Variants in FMN1 observed in about 807,000 individuals in gnomAD.
FMN1 encodes formin 1.
Under a neutral mutation model 132.4 loss-of-function variants are expected in FMN1, and 110 were observed. That is an observed-to-expected ratio of 0.83 (90% CI 0.71 to 0.97). FMN1 has a LOEUF of 0.97. FMN1 is among the 50% of genes least tolerant of loss of function. The pLI, the probability that FMN1 is intolerant of heterozygous loss-of-function variation, is 0.00. For synonymous variants in FMN1, 722 were observed against 651.7 expected (o/e 1.11, Z -1.64); for missense variants, 1,792 against 1,705.3 (o/e 1.05, Z -0.90).
intron 9 of FMN1, among the ~76,000 whole-genome samples, chr15:32,940,090 A>G (rs2061367036): frequency 6.6e-6 from 1 of 152,162 alleles, no homozygotes; most frequent in African/African-American, 2.4e-5. Flanking sequence ...ACAATATCAC[A>G]ATCTAAGTAG....
intron 6 of FMN1, among the ~76,000 whole-genome samples, chr15:33,059,329 T>C (rs1239203933): frequency 6.6e-6 from 1 of 152,256 alleles, no homozygotes; most frequent in Non-Finnish European, 1.5e-5. Flanking sequence ...ATGTCTTGGC[T>C]ATTGTGAATA....
At chr15:33,002,967 A>T (rs1054212134) in intron 7 of FMN1, among the ~76,000 whole-genome samples, 12 of 152,338 alleles carry the variant, frequency 7.9e-5, no homozygotes, top group African/African-American at 2.9e-4. Context: ...CAAAAACCAC[A>T]TGATTATCTC....
chr15:33,093,367 A>G (rs1374617557), intron 4 of FMN1, among the ~76,000 whole-genome samples: 3 of 152,232 alleles, frequency 2.0e-5, no homozygotes, highest in Non-Finnish European at 2.9e-5. Flanking sequence ...TCAAACGTGT[A>G]CTTACCAGCA....
intron 19 of FMN1, among the ~76,000 whole-genome samples, chr15:32,787,023 C>G (rs2056903307): frequency 6.6e-6 from 1 of 152,232 alleles, no homozygotes; most frequent in Non-Finnish European, 1.5e-5. Context: ...GTGAGGACCA[C>G]TCTCATTTCT....
chr15:32,789,632 G>A (rs1391995843), intron 19 of FMN1, among the ~76,000 whole-genome samples: 1 of 152,078 alleles, frequency 6.6e-6, no homozygotes, highest in African/African-American at 2.4e-5. Context: ...TAGCCTAAAT[G>A]TACAGTGTTT....
intron 8 of FMN1, among the ~76,000 whole-genome samples, chr15:32,965,987 G>T (rs67433453): frequency 5.3e-5 from 8 of 151,904 alleles, no homozygotes; most frequent in African/African-American, 1.9e-4. Context: ...TGGGGGAGAC[G>T]GGGGAGAAGT....
At chr15:32,800,577 C>A (rs750221684) in intron 18 of FMN1, among the ~76,000 whole-genome samples, 83 of 152,164 alleles carry the variant, frequency 5.5e-4, no homozygotes, top group Non-Finnish European at 9.8e-4. Flanking sequence ...CCTATAGGAA[C>A]AGGCCATTCA....
rs1668737476 is a variant in FMN1, at chr15:32,887,353, T to C, written c.3835+819A>G. ...CCGCAGAGCTCTTCAATTGGAGTTA[T>C]ACAAGCTCCAAGGCAAGTATTTATA... On this transcript the variant is annotated intron_variant, in intron 16 of 20. Transcript: ENST00000616417. Among the ~76,000 whole-genome samples the C allele has an allele frequency of 2.6e-5, 4 of 152,206 alleles. 1 individual carries two copies. The South Asian group carries it at 6.2e-4, about 24-fold the overall frequency.
chr15:32,869,720 G>C (rs1448496143), intron 16 of FMN1, among the ~76,000 whole-genome samples: 1 of 150,918 alleles, frequency 6.6e-6, no homozygotes, highest in Non-Finnish European at 1.5e-5. Flanking sequence ...GAACAGAGAA[G>C]AGCTGGTCAG....
In FMN1 at chr15:32,773,290, C is replaced by A. The variant is rs533627625; in HGVS notation, c.*1020G>T. ...GTCCTGCTTCATCCTACTTCACATG[C>A]CTATCAGCCAAGGTCATGAGCAGGT... On this transcript the variant is annotated 3_prime_UTR_variant, in exon 21 of 21. Coordinates refer to ENST00000616417, the MANE Select transcript of FMN1 (RefSeq NM_001277313.2). 1.5e-3 allele frequency: 225 copies of A among 152,250 alleles called. No homozygotes were observed. The highest frequency in any genetic ancestry group is 5.3e-3 in the African/African-American group (220 of 41,520). 9.4% of individuals were successfully genotyped at this position (152,250 alleles called of 1,614,324 possible).
chr15:32,806,579 T>C (rs1182041836), intron 17 of FMN1, among the ~76,000 whole-genome samples: 1 of 152,200 alleles, frequency 6.6e-6, no homozygotes, highest in East Asian at 1.9e-4. Flanking sequence ...TCTACAGTCT[T>C]CAAAATGCTC....
Position 32,820,329 on chromosome 15 carries a change from T to C in FMN1, c.3929-15997A>G, listed in dbSNP as rs114044963. The stretch of plus-strand genomic sequence containing the variant: ...GCGTTAACAGACAGGCCACTTTTTC[T>C]TTTAACTGCAAAGAGAGAGGCTTTA... On this transcript the variant is annotated intron_variant, in intron 17 of 20. Transcript: ENST00000616417. 7.5e-3 allele frequency among the ~76,000 whole-genome samples: 1,139 copies of C among 152,322 alleles called. 20 individuals are homozygous for C. The highest frequency in any genetic ancestry group is 0.026 in the African/African-American group (1,067 of 41,576).
At chr15:33,105,663 T>C (rs989834537) in intron 4 of FMN1, 2 of 152,186 alleles carry the variant, frequency 1.3e-5, no homozygotes, top group African/African-American at 4.8e-5. Context: ...TTTGGATATC[T>C]AAAGATTAAT....
intron 7 of FMN1, among the ~76,000 whole-genome samples, chr15:32,999,552 A>G (rs2033972435): frequency 6.6e-6 from 1 of 152,250 alleles, no homozygotes; most frequent in Admixed American, 6.5e-5. Flanking sequence ...GGGAGTTACC[A>G]AACTAGAAAT....
intron 6 of FMN1, among the ~76,000 whole-genome samples, chr15:33,032,112 C>T (rs2035965636): frequency 6.6e-6 from 1 of 152,196 alleles, no homozygotes; most frequent in African/African-American, 2.4e-5. Flanking sequence ...TTTTACCTGA[C>T]TTACTTTCTC....
At position 33,100,434 on chromosome 15, in the gene FMN1, G is replaced by C. The variant is rs151201591; in HGVS notation, c.1868-11460C>G. On this transcript the variant is annotated intron_variant, in intron 4 of 20. Transcript: ENST00000616417. ...GATATTTGGCAATATCTGAAACGGG[G>C]GTTGACACCTATGCCCGAAGGCCAA... Among the ~76,000 whole-genome samples, 10 of 152,160 alleles carry C rather than the reference G, an allele frequency of 6.6e-5. No individual in the cohort carries two copies. The East Asian group carries it at 1.7e-3, about 26-fold the overall frequency.
chr15:33,098,634 A>T (rs2039175179), intron 4 of FMN1, among the ~76,000 whole-genome samples: 1 of 152,204 alleles, frequency 6.6e-6, no homozygotes, highest in Non-Finnish European at 1.5e-5. Context: ...TCACGCAGGT[A>T]GACAACCAAT....
chr15:33,047,327 T>A (rs1265945349), intron 6 of FMN1, among the ~76,000 whole-genome samples: 1 of 152,356 alleles, frequency 6.6e-6, no homozygotes, highest in Non-Finnish European at 1.5e-5. Context: ...TAACCTTAGT[T>A]CAGGCTTCTT....
intron 15 of FMN1, among the ~76,000 whole-genome samples, chr15:32,891,789 C>CAT (rs913467828): frequency 7.2e-5 from 11 of 151,762 alleles, no homozygotes; most frequent in Non-Finnish European, 1.3e-4. Flanking sequence ...ACTATACACA[C>CAT]ATATATATAT....
Sources: allele counts gnomAD v4.1 joint callset (sites outside exome capture counted in the v4.1 genomes callset), GRCh38; gene constraint gnomAD v4.1.1; transcripts MANE v1.5; gene names NCBI Gene and HGNC (gene_info 2026-07-23, HGNC 2026-07-21).